AP2A1: variants seen among roughly 807,000 people sequenced by gnomAD.
AP2A1 encodes the protein AP-2 complex subunit alpha-1.
In AP2A1, 21 loss-of-function variants were observed where a neutral mutation model predicts 107.3. The observed-to-expected ratio is 0.20, with a 90% CI of 0.14 to 0.28. The LOEUF is 0.28. AP2A1 is among the 10% of genes least tolerant of loss of function. AP2A1 has a pLI of 1.00. For missense variants in AP2A1, 873 were observed against 1,307.7 expected (o/e 0.67, Z 5.13); for synonymous variants, 602 against 564.8 (o/e 1.07, Z -0.93).
In AP2A1 at chr19:49,782,667, G is replaced by T; in HGVS notation, c.416G>T (p.Gly139Val). Residue 139 changes from glycine (G) to valine (V), a missense_variant, in exon 4 of 23, where the codon GGC (glycine) becomes GTC (valine). Gly to Val is a moderately radical substitution (Grantham distance 109, BLOSUM62 -3). This residue lies in a region of AP2A1 where 157 missense variants were observed against 212.6 expected (regional missense o/e 0.74). Coordinates refer to ENST00000354293, the MANE Select transcript of AP2A1 (RefSeq NM_130787.3). ...GCCCTGCACTGCATCGCCAACGTGG[G>T]CAGCCGGGAGATGGGCGAGGCCTTT... Reference protein sequence around the residue: ...CLALHCIANVGSREMGEAFAA... With the variant: ...CLALHCIANVVSREMGEAFAA... The T allele has an allele frequency of 6.2e-7, 1 of 1,612,442 alleles. No individual in the cohort carries two copies.
intron 5 of AP2A1, 52 bp downstream of exon 5, chr19:49,792,116 CTG>C (rs2073150862): frequency 6.3e-7 from 1 of 1,586,052 alleles, no homozygotes; most frequent in South Asian, 1.1e-5. Flanking sequence ...CACCTCAGCC[CTG>C]ACCCCCCTGG....
At chr19:49,777,833 TG>T (rs36125630) in intron 1 of AP2A1, among the ~76,000 whole-genome samples, 73,515 of 151,432 alleles carry the variant, frequency 0.49, 18,005 homozygotes, top group East Asian at 0.55. Flanking sequence ...GAGGCTGAGA[TG>T]GGAGGGTCAT....
At chr19:49,790,495 C>T (rs549230491) in intron 4 of AP2A1, among the ~76,000 whole-genome samples, 1 of 152,298 alleles carries the variant, frequency 6.6e-6, no homozygotes, top group South Asian at 2.1e-4. Flanking sequence ...ACCTCCCAGG[C>T]TAAAGCGATC....
At chr19:49,772,995 G>A (rs2084580592) in intron 1 of AP2A1, among the ~76,000 whole-genome samples, 1 of 151,902 alleles carries the variant, frequency 6.6e-6, no homozygotes, top group Non-Finnish European at 1.5e-5. Context: ...GGGATGCGGA[G>A]GAGGAGGTGG....
chr19:49,802,317 G>T (rs377008131), intron 15 of AP2A1, 176 bp downstream of exon 15: 1 of 814,196 alleles, frequency 1.2e-6, no homozygotes, highest in Admixed American at 2.0e-5. Flanking sequence ...CCCTGCTCAC[G>T]CCCTCCCTCT....
In AP2A1 at chr19:49,803,461, C is replaced by T. The variant is rs866720757; in HGVS notation, c.2344+85C>T. The T allele has an allele frequency of 7.6e-5, 83 of 1,096,792 alleles. 1 individual carries two copies. Among genetic ancestry groups the T allele is most frequent in the Middle Eastern group, 2.0e-4 (1 of 5,110 alleles). 67.9% of individuals were successfully genotyped at this position (1,096,792 alleles called of 1,614,324 possible). A position where few individuals can be genotyped will look rare whatever the true frequency, so the allele number is the denominator to read the frequency against. ...GGAAGCCGGCTGACCCAGGTCCACA[C>T]TTCTCTTCAGCCTCTCTTGGGCACG... On this transcript the variant is annotated intron_variant, in intron 18 of 22. Coordinates refer to ENST00000354293, the MANE Select transcript of AP2A1 (RefSeq NM_130787.3).
Position 49,801,975 on chromosome 19 carries a change from C to T in AP2A1, c.1954-6C>T, listed in dbSNP as rs2073287581. The T allele has an allele frequency of 2.0e-6, 3 of 1,493,428 alleles. No individual in the cohort carries two copies. The highest frequency in any genetic ancestry group is 2.7e-6 in the Non-Finnish European group (3 of 1,126,264). The allele number at this position is 1,493,428 out of a possible 1,614,324, so 92.5% of individuals were successfully genotyped here. On this transcript the variant is annotated splice_region_variant and splice_polypyrimidine_tract_variant and intron_variant, in intron 14 of 22. Coordinates refer to ENST00000354293, the MANE Select transcript of AP2A1 (RefSeq NM_130787.3). ...CTGTCCTCACCGTGACCTGCGCTTC[C>T]TACAGTCGACGCCCTCGCCCTCCGC... is the stretch of plus-strand genomic sequence containing the variant.
rs373146378 is a variant in AP2A1 at position 49,782,628 on chromosome 19, C to T, written c.377C>T (p.Thr126Ile). The T allele has an allele frequency of 8.1e-6, 13 of 1,613,778 alleles. No individual in the cohort carries two copies. The highest frequency in any genetic ancestry group is 2.2e-5 in the East Asian group (1 of 44,886). Residue 126 changes from threonine to isoleucine, a missense_variant, in exon 4 of 23, where the codon ACC becomes ATC. By Grantham distance (89) the Thr-to-Ile change is moderately conservative. Coordinates refer to ENST00000354293, the MANE Select transcript of AP2A1 (RefSeq NM_130787.3). ...IKNDLASRNP[T>I]FMCLALHCIA... ...AATGACCTGGCCAGCCGCAACCCCACCTTCATGTGCCTGGCCCTGCACTGC... is the reference window on the plus strand; with the variant it reads ...AATGACCTGGCCAGCCGCAACCCCATCTTCATGTGCCTGGCCCTGCACTGC...
At chr19:49,806,328 A>T in intron 22 of AP2A1, 75 bp downstream of exon 22, 1 of 1,472,676 alleles carries the variant, frequency 6.8e-7, no homozygotes, top group Middle Eastern at 2.2e-4. Flanking sequence ...TTCCTGCCTC[A>T]CTGTTCTTTA....
Position 49,803,012 on chromosome 19 carries a change from C to A in AP2A1, c.2171+7C>A. 6.2e-7 allele frequency: 1 copy of A among 1,613,752 alleles called. No homozygotes were observed. Among genetic ancestry groups the A allele is most frequent in the Non-Finnish European group, 8.5e-7 (1 of 1,179,810 alleles). ...CCGATGAGTTGCTGAATAAGTGAGT[C>A]CTGGGAGTGGTGGGGGAGGGGAACG... is the stretch of plus-strand genomic sequence containing the variant. On this transcript the variant is annotated splice_region_variant and intron_variant, in intron 16 of 22. Transcript: ENST00000354293.
chr19:49,779,133 G>A (rs1447741348), intron 1 of AP2A1, among the ~76,000 whole-genome samples: 1 of 151,696 alleles, frequency 6.6e-6, no homozygotes, highest in Non-Finnish European at 1.5e-5. Context: ...TCAGGAGATT[G>A]AGACCATGCT....
chr19:49,801,864 G>A lies in AP2A1; in HGVS notation c.1928G>A (p.Gly643Asp). Residue 643 changes from glycine to aspartate, a missense_variant, in exon 14 of 23, where the codon GGC (glycine) becomes GAC (aspartate). Physicochemically the swap from Gly to Asp is moderately conservative, Grantham distance 94. Transcript: ENST00000354293. ...CCCAGCAGCAACGACATCAACGGGG[G>A]CATGGAGCCCACCCCCAGCACTGTG... is the stretch of plus-strand genomic sequence containing the variant. Reference protein sequence around the residue: ...RDPSSNDINGGMEPTPSTVST... With the variant: ...RDPSSNDINGDMEPTPSTVST... The A allele has an allele frequency of 1.3e-6, 2 of 1,501,428 alleles. No individual in the cohort carries two copies. The highest frequency in any genetic ancestry group is 1.8e-6 in the Non-Finnish European group (2 of 1,128,572). 93.0% of individuals were successfully genotyped at this position (1,501,428 alleles called of 1,614,324 possible).
At chr19:49,804,943 C>T (rs766309112) in intron 18 of AP2A1, 1 of 152,718 alleles carries the variant, frequency 6.5e-6, no homozygotes, top group Non-Finnish European at 1.5e-5. Flanking sequence ...CAGGGCCTCA[C>T]TCACCCAAGC....
chr19:49,796,074 T>C (rs1184694364), intron 7 of AP2A1: 1 of 300,914 alleles, frequency 3.3e-6, no homozygotes, highest in Non-Finnish European at 6.4e-6. Context: ...TGGCCCAGCG[T>C]CACTCACCCG....
In AP2A1 at chr19:49,785,686, G is replaced by C. The variant is rs960951150; in HGVS notation, c.473+2962G>C. Among the ~76,000 whole-genome samples the C allele has an allele frequency of 6.6e-6, 1 of 152,128 alleles. No individual in the cohort carries two copies. The highest frequency in any genetic ancestry group is 2.4e-5 in the African/African-American group (1 of 41,438). ...AATCCCAGCACCTTGGGAGGCCAAGGTGGGCAGATCACTTGAGGTCAGGAG... is the reference window on the plus strand; with the variant it reads ...AATCCCAGCACCTTGGGAGGCCAAGCTGGGCAGATCACTTGAGGTCAGGAG... On this transcript the variant is annotated intron_variant, in intron 4 of 22. Coordinates refer to ENST00000354293, the MANE Select transcript of AP2A1 (RefSeq NM_130787.3). This position sits in a 1 kb window ranked among gnomAD's most constrained non-coding sequence, Gnocchi z 4.1.
chr19:49,802,789 C>A, intron 15 of AP2A1, 160 bp from the exon 16 acceptor site: 1 of 1,019,852 alleles, frequency 9.8e-7, no homozygotes, highest in Non-Finnish European at 1.4e-6. Flanking sequence ...CATTGGAGGC[C>A]ACTGCTGGAT....
intron 4 of AP2A1, 140 bp from the exon 5 acceptor site, chr19:49,791,795 C>CTGGATCCTGCCTT (rs1206189702): frequency 8.9e-7 from 1 of 1,129,026 alleles, no homozygotes; most frequent in East Asian, 2.6e-5. Context: ...CAGCGCCAGA[C>CTGGATCCTGCCTT]TGGATCCTGC....
intron 5 of AP2A1, 24 bp from the exon 6 acceptor site, chr19:49,792,967 C>G: frequency 6.4e-7 from 1 of 1,572,698 alleles, no homozygotes; most frequent in Non-Finnish European, 8.6e-7. Flanking sequence ...AGGGGCCTGA[C>G]TTGTCTCTCC....
intron 14 of AP2A1, 33 bp from the exon 15 acceptor site, chr19:49,801,948 G>T (rs1488035279): frequency 6.8e-7 from 1 of 1,464,078 alleles, no homozygotes; most frequent in Non-Finnish European, 9.0e-7. Flanking sequence ...GCCGGGCGCC[G>T]CCTGTCCTCA....
Sources: allele counts gnomAD v4.1 joint callset (sites outside exome capture counted in the v4.1 genomes callset), GRCh38; gene constraint gnomAD v4.1.1; regional missense constraint gnomAD v4.1.1; non-coding constraint Gnocchi (gnomAD v3.1); transcripts MANE v1.5; gene names NCBI Gene and HGNC (gene_info 2026-07-23, HGNC 2026-07-21).